Variants in MAF observed in about 807,000 individuals in gnomAD.
MAF encodes the protein MAF bZIP transcription factor.
Under a neutral mutation model 22.0 loss-of-function variants are expected in MAF, and 10 were observed. That is an observed-to-expected ratio of 0.45 (90% confidence interval 0.28 to 0.77). The LOEUF (loss-of-function observed/expected upper bound fraction) is 0.77, where lower values mean the gene tolerates loss of function less well. MAF is among the 30% of genes least tolerant of loss of function. The pLI is 0.12. For missense variants in MAF, 544 were observed against 548.4 expected, an observed-to-expected ratio of 0.99 and a Z score of 0.08; for synonymous variants, 337 against 255.8, an observed-to-expected ratio of 1.32 and a Z score of -3.03.
chr16:79,347,929 G>T, the MAF span, among the ~76,000 whole-genome samples: 3 of 152,166 alleles, frequency 2.0e-5, 1 homozygote, highest in Admixed American at 6.5e-5. Context: ...ATGAGTGTGC[G>T]TGCATCTATA....
chr16:79,319,140 C>G, the MAF span, among the ~76,000 whole-genome samples: 8 of 152,110 alleles, frequency 5.3e-5, no homozygotes, highest in Non-Finnish European at 1.0e-4. Flanking sequence ...AATATCCAGG[C>G]AGAGAACTCT....
At chr16:79,533,933 C>A in the MAF span, among the ~76,000 whole-genome samples, 2 of 152,296 alleles carry the variant, frequency 1.3e-5, no homozygotes, top group East Asian at 1.9e-4. Context: ...TGCCCAGAGA[C>A]AACAGAGGGC....
the MAF span, among the ~76,000 whole-genome samples, chr16:79,295,779 C>T: frequency 6.6e-6 from 1 of 152,298 alleles, no homozygotes; most frequent in Non-Finnish European, 1.5e-5. Context: ...GTAAGTGGTC[C>T]ACAAGAACTT....
At chr16:79,450,672 A>C in the MAF span, among the ~76,000 whole-genome samples, 1 of 152,168 alleles carries the variant, frequency 6.6e-6, no homozygotes, top group Non-Finnish European at 1.5e-5. Context: ...TGACTGTTTT[A>C]TTCCTATTTT....
At chr16:79,344,806 G>T in the MAF span, among the ~76,000 whole-genome samples, 1 of 152,176 alleles carries the variant, frequency 6.6e-6, no homozygotes, top group Non-Finnish European at 1.5e-5. Flanking sequence ...CAATATTCTT[G>T]CTAAAGGTAG....
the MAF span, chr16:79,212,953 ATGTTT>A: frequency 3.3e-5 from 5 of 152,156 alleles, no homozygotes; most frequent in East Asian, 3.9e-4. Context: ...TCACCTTAAG[ATGTTT>A]TGTTATTACT....
At chr16:79,249,969 G>C in the MAF span, among the ~76,000 whole-genome samples, 1 of 152,204 alleles carries the variant, frequency 6.6e-6, no homozygotes, top group African/African-American at 2.4e-5. Flanking sequence ...ACAGGTCCCA[G>C]AGGGGTTAAT....
chr16:79,232,866 A>T, the MAF span, among the ~76,000 whole-genome samples: 13 of 134,628 alleles, frequency 9.7e-5, no homozygotes, highest in African/African-American at 3.4e-4. Flanking sequence ...TTTGAGACAG[A>T]GTCTCACTCT....
the MAF span, among the ~76,000 whole-genome samples, chr16:79,362,457 T>C: frequency 3.3e-5 from 5 of 152,208 alleles, no homozygotes; most frequent in African/African-American, 4.8e-5. Flanking sequence ...AGATCCTTCA[T>C]GTCGAATGTT....
the MAF span, among the ~76,000 whole-genome samples, chr16:79,334,853 G>GTGTGTA: frequency 9.8e-6 from 1 of 102,448 alleles, no homozygotes; most frequent in African/African-American, 3.1e-5. Flanking sequence ...GTGTGTGTGT[G>GTGTGTA]TGTGTGTGTA....
At chr16:79,485,474 C>G in the MAF span, among the ~76,000 whole-genome samples, 3 of 152,144 alleles carry the variant, frequency 2.0e-5, no homozygotes, top group Non-Finnish European at 4.4e-5. Context: ...TCCTTGAGGA[C>G]CAGAGCTGAG....
chr16:79,584,945 C>T (rs543655261), downstream of MAF, among the ~76,000 whole-genome samples: 10 of 152,246 alleles, frequency 6.6e-5, no homozygotes, highest in African/African-American at 1.9e-4. Context: ...TCACTGGATC[C>T]TTAACGTACC....
chr16:79,563,495 A>G, the MAF span, among the ~76,000 whole-genome samples: 1 of 144,046 alleles, frequency 6.9e-6, no homozygotes, highest in Non-Finnish European at 1.6e-5. Flanking sequence ...CAAATTTTAA[A>G]GACTTGGCAC....
At chr16:79,495,318 T>C in the MAF span, among the ~76,000 whole-genome samples, 1 of 152,058 alleles carries the variant, frequency 6.6e-6, no homozygotes, top group Non-Finnish European at 1.5e-5. Context: ...TTTTTTTAAA[T>C]GGGACATAGT....
At chr16:79,300,480 G>A in the MAF span, among the ~76,000 whole-genome samples, 12 of 152,146 alleles carry the variant, frequency 7.9e-5, no homozygotes, top group South Asian at 4.2e-4. Context: ...ACTTGAACCC[G>A]GGAGGTGGAG....
At chr16:79,266,838 T>A in the MAF span, among the ~76,000 whole-genome samples, 4 of 152,158 alleles carry the variant, frequency 2.6e-5, no homozygotes, top group East Asian at 7.7e-4. Context: ...TAGAAAAAGG[T>A]ACCAACCAGT....
At chr16:79,567,319 A>G in the MAF span, among the ~76,000 whole-genome samples, 1 of 131,968 alleles carries the variant, frequency 7.6e-6, no homozygotes, top group South Asian at 2.5e-4. Context: ...ACTCCACCTC[A>G]GAAAAAAAAA....
the MAF span, chr16:79,212,011 T>C: frequency 2.6e-6 from 4 of 1,536,240 alleles, no homozygotes; most frequent in Non-Finnish European, 3.5e-6. Flanking sequence ...GGGCTAGGCA[T>C]AGGTCTCTTT....
chr16:79,539,192 T>C, the MAF span, among the ~76,000 whole-genome samples: 1 of 152,336 alleles, frequency 6.6e-6, no homozygotes, highest in African/African-American at 2.4e-5. Context: ...TGGAAAGCAA[T>C]CTTATTATAT....
Sources: allele counts gnomAD v4.1 joint callset (sites outside exome capture counted in the v4.1 genomes callset), GRCh38; gene constraint gnomAD v4.1.1; transcripts MANE v1.5; gene names NCBI Gene and HGNC (gene_info 2026-07-23, HGNC 2026-07-21).